The following ARL3 variants were observed in gnomAD, a reference collection of about 807,000 sequenced individuals.
ARL3 encodes the protein ARF like GTPase 3, also known as ADP-ribosylation factor-like protein 3.
A neutral mutation model predicts 26.0 loss-of-function variants in ARL3; 9 were observed. That is an observed-to-expected ratio of 0.35 (90% confidence interval 0.21 to 0.60). The LOEUF (loss-of-function observed/expected upper bound fraction) is 0.60. Ranked by LOEUF, ARL3 falls within the 20% of genes least tolerant of loss-of-function variation. The probability of loss-of-function intolerance (pLI) is 0.78; values close to 1 mark genes in which losing one functional copy is unlikely to be tolerated. For missense variants in ARL3, 158 were observed against 215.7 expected, an observed-to-expected ratio of 0.73 and a Z score of 1.67; for synonymous variants, 71 against 78.4, an observed-to-expected ratio of 0.91 and a Z score of 0.50.
At chr10:102,678,662 G>A (rs2064141711) in intron 5 of ARL3, among the ~76,000 whole-genome samples, 2 of 152,198 alleles carry the variant, frequency 1.3e-5, no homozygotes, top group South Asian at 2.1e-4. Flanking sequence ...TGTGAATAGC[G>A]CTTTGCCTTT....
At chr10:102,685,485 C>T (rs1272674351) in intron 5 of ARL3, among the ~76,000 whole-genome samples, 2 of 152,110 alleles carry the variant, frequency 1.3e-5, no homozygotes, top group Admixed American at 6.6e-5. Context: ...GAAGTACAGG[C>T]ATTTTAGCAT....
Position 102,685,840 on chromosome 10 carries a change from T to C in ARL3, c.477A>G (p.Ser159=). The C allele has an allele frequency of 6.2e-7, 1 of 1,612,380 alleles. No homozygotes were observed. The change falls in exon 5 of 6, where the codon TCA becomes TCG. Residue 159 remains serine, a synonymous_variant. Coordinates refer to ENST00000260746, the MANE Select transcript of ARL3 (RefSeq NM_004311.4). ...RDRVWQIQSC[S]ALTGEGVQDG... ...CCTGAACGCCCTCTCCTGTGAGAGCTGAGCAAGACTGGATCTGCCAGACTC... is the reference window on the plus strand; with the variant it reads ...CCTGAACGCCCTCTCCTGTGAGAGCCGAGCAAGACTGGATCTGCCAGACTC...
intron 5 of ARL3, among the ~76,000 whole-genome samples, chr10:102,682,550 T>C (rs1303556144): frequency 6.6e-6 from 1 of 152,184 alleles, no homozygotes; most frequent in Non-Finnish European, 1.5e-5. Context: ...CTAACTTCCA[T>C]AGTCTCAAAT....
intron 1 of ARL3, 56 bp from the exon 2 acceptor site, chr10:102,705,545 C>T (rs1174922257): frequency 3.5e-6 from 5 of 1,447,406 alleles, no homozygotes; most frequent in Non-Finnish European, 4.6e-6. Context: ...GTGATATTAA[C>T]TGGATATGAG....
intron 3 of ARL3, among the ~76,000 whole-genome samples, chr10:102,695,454 T>C (rs1393457399): frequency 2.6e-5 from 4 of 152,238 alleles, no homozygotes; most frequent in Non-Finnish European, 5.9e-5. Flanking sequence ...GACTTGTACA[T>C]ATTAACCTTA....
At chr10:102,690,179 A>C (rs1219047336) in intron 3 of ARL3, among the ~76,000 whole-genome samples, 1 of 152,228 alleles carries the variant, frequency 6.6e-6, no homozygotes, top group Admixed American at 6.5e-5. Flanking sequence ...GATTTAGGAA[A>C]ACCAAGTGGG....
intron 3 of ARL3, among the ~76,000 whole-genome samples, chr10:102,691,101 C>T (rs1294767808): frequency 1.3e-5 from 2 of 151,996 alleles, no homozygotes; most frequent in African/African-American, 4.8e-5. Flanking sequence ...ATATTTTAGC[C>T]TCTGTGGCCC....
chr10:102,680,018 C>A (rs1487128062), intron 5 of ARL3, among the ~76,000 whole-genome samples: 1 of 152,142 alleles, frequency 6.6e-6, no homozygotes. Flanking sequence ...GTGGCATGAT[C>A]TCGACTCGCT....
At chr10:102,682,263 T>C (rs1267797337) in intron 5 of ARL3, among the ~76,000 whole-genome samples, 1 of 151,830 alleles carries the variant, frequency 6.6e-6, no homozygotes, top group Non-Finnish European at 1.5e-5. Context: ...GTTTCTGAGA[T>C]TGATGATCTC....
At chr10:102,714,094 C>T (rs1356069894) in intron 1 of ARL3, among the ~76,000 whole-genome samples, 179 bp downstream of exon 1, 5 of 152,262 alleles carry the variant, frequency 3.3e-5, no homozygotes, top group African/African-American at 1.2e-4. Flanking sequence ...CCCAGGCCTC[C>T]CTCCAGGGCC....
chr10:102,675,240 C>T lies in ARL3; in HGVS notation c.*1654G>A, dbSNP rs1025959098. ...TTTTGTTTTGCAAGTCCTTACAGGT[C>T]TGTCCACAGCAACTCTGGGGCACCT... On this transcript the variant is annotated 3_prime_UTR_variant, in exon 6 of 6. Coordinates refer to ENST00000260746, the MANE Select transcript of ARL3 (RefSeq NM_004311.4). 2.6e-4 allele frequency: 39 copies of T among 152,292 alleles called. No individual in the cohort carries two copies. Among genetic ancestry groups the T allele is most frequent in the Admixed American group, 2.6e-3 (39 of 15,282 alleles). 9.4% of individuals were successfully genotyped at this position (152,292 alleles called of 1,614,324 possible). A position where few individuals can be genotyped will look rare whatever the true frequency, so the allele number is the denominator to read the frequency against.
chr10:102,679,185 A>G (rs1052939633), intron 5 of ARL3, among the ~76,000 whole-genome samples: 1 of 152,158 alleles, frequency 6.6e-6, no homozygotes, highest in African/African-American at 2.4e-5. Flanking sequence ...TTGGCCAACA[A>G]TGGTACCTCC....
intron 1 of ARL3, among the ~76,000 whole-genome samples, chr10:102,706,666 T>C (rs2136009415): frequency 6.6e-6 from 1 of 151,854 alleles, no homozygotes; most frequent in Non-Finnish European, 1.5e-5. Flanking sequence ...CCACCAAAAT[T>C]AACCAAGGAA....
At chr10:102,684,171 CAG>C (rs1401956528) in intron 5 of ARL3, among the ~76,000 whole-genome samples, 1 of 152,108 alleles carries the variant, frequency 6.6e-6, no homozygotes, top group African/African-American at 2.4e-5. Flanking sequence ...TTTTCTGAGA[CAG>C]AGTCTCACTC....
chr10:102,710,493 A>G (rs1451036237), intron 1 of ARL3, among the ~76,000 whole-genome samples: 1 of 152,222 alleles, frequency 6.6e-6, no homozygotes, highest in Non-Finnish European at 1.5e-5. Context: ...TTAGAAGTTA[A>G]ATTTATCATA....
At chr10:102,684,546 C>G (rs1229177872) in intron 5 of ARL3, among the ~76,000 whole-genome samples, 3 of 152,172 alleles carry the variant, frequency 2.0e-5, no homozygotes, top group Non-Finnish European at 2.9e-5. Flanking sequence ...TTTCTTGGGT[C>G]TCATCTTCAT....
At chr10:102,710,974 G>C (rs1005861644) in intron 1 of ARL3, among the ~76,000 whole-genome samples, 1 of 152,160 alleles carries the variant, frequency 6.6e-6, no homozygotes, top group Non-Finnish European at 1.5e-5. Flanking sequence ...TTGGTATATG[G>C]AAAATATATG....
chr10:102,704,958 A>G (rs940398857), intron 2 of ARL3, among the ~76,000 whole-genome samples: 5 of 152,146 alleles, frequency 3.3e-5, no homozygotes, highest in African/African-American at 1.2e-4. Flanking sequence ...TTTTAACGTT[A>G]TAACATAAAA....
intron 1 of ARL3, among the ~76,000 whole-genome samples, chr10:102,712,992 A>G (rs2064353365): frequency 6.6e-6 from 1 of 151,872 alleles, no homozygotes; most frequent in Non-Finnish European, 1.5e-5. Context: ...TGTAAAATCA[A>G]TTGAGTTTTT....
Sources: gnomAD v4.1 joint callset for allele counts (sites outside exome capture counted in the v4.1 genomes callset) on GRCh38, gnomAD v4.1.1 for gene constraint, MANE v1.5 for transcripts, NCBI Gene and HGNC (gene_info 2026-07-23, HGNC 2026-07-21) for gene names.